Variants in EML4 observed in about 807,000 individuals in gnomAD.
EML4 encodes echinoderm microtubule-associated protein-like 4.
EML4 carries 72 observed loss-of-function variants against 129.0 expected under a neutral mutation model. That is an observed-to-expected ratio of 0.56 (90% CI 0.46 to 0.68). The LOEUF (loss-of-function observed/expected upper bound fraction) is 0.68. Among genes scored for constraint, EML4 ranks in the 30% least tolerant of loss-of-function variants. EML4 has a pLI of 0.00. For synonymous variants in EML4, 532 were observed against 405.0 expected, an observed-to-expected ratio of 1.31 and a Z score of -3.77; for missense variants, 1,363 against 1,190.6, an observed-to-expected ratio of 1.14 and a Z score of -2.13.
chr2:42,179,777 T>C (rs1279472438), intron 1 of EML4, among the ~76,000 whole-genome samples: 1 of 152,116 alleles, frequency 6.6e-6, no homozygotes, highest in African/African-American at 2.4e-5. Context: ...TAGTTTTGTA[T>C]TTTTAGTAGA....
At chr2:42,294,068 A>G (rs1667810248) in intron 11 of EML4, among the ~76,000 whole-genome samples, 2 of 152,260 alleles carry the variant, frequency 1.3e-5, no homozygotes, top group Admixed American at 6.5e-5. Flanking sequence ...GTTTGAGTAG[A>G]TGATTTTACT....
rs1028417023 is a variant in EML4, at chr2:42,265,064, G to A, written c.667+333G>A. The A allele has an allele frequency of 1.4e-5, 14 of 1,025,338 alleles. No homozygotes were observed. In the African/African-American group the frequency reaches 2.3e-4, roughly 17 times the overall value. 63.5% of individuals were successfully genotyped at this position (1,025,338 alleles called of 1,614,324 possible). A position where few individuals can be genotyped will look rare whatever the true frequency, so the allele number is the denominator to read the frequency against. On this transcript the variant is annotated intron_variant, in intron 6 of 22. Coordinates refer to ENST00000318522, the MANE Select transcript of EML4 (RefSeq NM_019063.5). The stretch of plus-strand genomic sequence containing the variant: ...CTTTCTTCCTTAAAAAGGAAATACA[G>A]TGATTTGAGCTAGATGAATCCAGCT...
In EML4 at chr2:42,169,506, G is replaced by C. The variant is rs1670122161; in HGVS notation, c.-106G>C. On this transcript the variant is annotated 5_prime_UTR_variant, in exon 1 of 23. Transcript: ENST00000318522. ...AGGCGGGAGCCGGTAGCCGAGCCGGGCGACCTAGAGAACGAGCGGGTCAGG... is the reference window on the plus strand; with the variant it reads ...AGGCGGGAGCCGGTAGCCGAGCCGGCCGACCTAGAGAACGAGCGGGTCAGG... 5 of 1,353,074 alleles carry C rather than the reference G, an allele frequency of 3.7e-6. No homozygotes were observed. Among genetic ancestry groups the C allele is most frequent in the Non-Finnish European group, 4.9e-6 (5 of 1,011,142 alleles). The allele number at this position is 1,353,074 out of a possible 1,614,324, so 83.8% of individuals were successfully genotyped here. A position where few individuals can be genotyped will look rare whatever the true frequency, so the allele number is the denominator to read the frequency against.
intron 7 of EML4, 89 bp downstream of exon 7, chr2:42,281,062 T>TA: frequency 1.4e-5 from 15 of 1,100,800 alleles, no homozygotes; most frequent in South Asian, 1.1e-4. Flanking sequence ...ATTGTCTTTA[T>TA]ACAAAAAAAA....
intron 1 of EML4, among the ~76,000 whole-genome samples, chr2:42,195,894 C>G (rs1285689414): frequency 1.3e-5 from 2 of 152,118 alleles, no homozygotes; most frequent in Non-Finnish European, 2.9e-5. Context: ...TAACTGAATT[C>G]CCTGTGGAAC....
chr2:42,244,133 T>C (rs1402235280), intron 1 of EML4, among the ~76,000 whole-genome samples: 1 of 148,750 alleles, frequency 6.7e-6, no homozygotes, highest in African/African-American at 2.5e-5. Flanking sequence ...GGGGTCTTGC[T>C]CTGTTGCCAG....
intron 11 of EML4, among the ~76,000 whole-genome samples, chr2:42,294,221 C>T (rs1378921147): frequency 6.6e-6 from 1 of 152,104 alleles, no homozygotes; most frequent in East Asian, 1.9e-4. Flanking sequence ...CTTCCTAGTC[C>T]ACCATAAATC....
chr2:42,259,670 A>C (rs1665585285), intron 3 of EML4, among the ~76,000 whole-genome samples: 1 of 151,514 alleles, frequency 6.6e-6, no homozygotes, highest in Non-Finnish European at 1.5e-5. Flanking sequence ...AAACTCTGGC[A>C]GAAGAGTATG....
intron 8 of EML4, 96 bp from the exon 9 acceptor site, chr2:42,284,538 C>T (rs911831056): frequency 7.2e-6 from 5 of 689,708 alleles, no homozygotes; most frequent in South Asian, 5.3e-5. Context: ...TGTTTTTTAA[C>T]GATTAAAAAC....
At chr2:42,293,919 T>G (rs1270691796) in intron 11 of EML4, among the ~76,000 whole-genome samples, 1 of 152,184 alleles carries the variant, frequency 6.6e-6, no homozygotes, top group African/African-American at 2.4e-5. Flanking sequence ...CATGTTGTTT[T>G]GCCAAAAGGA....
chr2:42,169,569 T>G lies in EML4; in HGVS notation c.-43T>G. 6.3e-7 allele frequency: 1 copy of G among 1,589,872 alleles called. No individual in the cohort carries two copies. Among genetic ancestry groups the G allele is most frequent in the South Asian group, 1.1e-5 (1 of 89,782 alleles). On this transcript the variant is annotated 5_prime_UTR_variant, in exon 1 of 23. Transcript: ENST00000318522. Reference sequence around the variant, plus strand: ...CACTCTGTCGGTCCGCTGAATGAAGTGCCCGCCCCTCTAAGCCCGGAGCCC... The same window carrying G: ...CACTCTGTCGGTCCGCTGAATGAAGGGCCCGCCCCTCTAAGCCCGGAGCCC...
At chr2:42,228,712 G>A (rs1674134228) in intron 1 of EML4, among the ~76,000 whole-genome samples, 1 of 152,098 alleles carries the variant, frequency 6.6e-6, no homozygotes, top group Non-Finnish European at 1.5e-5. Context: ...CTTTCTGTGA[G>A]TTCTACAATT....
In EML4 at chr2:42,233,309, CTTT is replaced by C. The variant is rs1045073425; in HGVS notation, c.26-12182_26-12180del. Reference sequence around the variant, plus strand: ...ATTGTTTGTTATTACAGGTTTCTTTCTTTTTTTTTTTTTTTTAATGGAGTCTCA... The same window carrying C: ...ATTGTTTGTTATTACAGGTTTCTTTCTTTTTTTTTTTTTAATGGAGTCTCA... On this transcript the variant is annotated intron_variant, in intron 1 of 22. Transcript: ENST00000318522. 8.8e-5 allele frequency among the ~76,000 whole-genome samples: 12 copies of C among 137,126 alleles called. No individual in the cohort carries two copies. The East Asian group carries it at 1.2e-3, about 14-fold the overall frequency. The allele number at this position is 137,126 out of a possible 152,430, so 90.0% of individuals were successfully genotyped here.
At chr2:42,233,085 C>G (rs1473943399) in intron 1 of EML4, among the ~76,000 whole-genome samples, 1 of 152,082 alleles carries the variant, frequency 6.6e-6, no homozygotes, top group Non-Finnish European at 1.5e-5. Flanking sequence ...CTTTTATCAG[C>G]TTTTGCTGTT....
intron 1 of EML4, among the ~76,000 whole-genome samples, chr2:42,205,470 G>T (rs1280173749): frequency 1.3e-5 from 2 of 150,110 alleles, no homozygotes; most frequent in Non-Finnish European, 3.0e-5. Flanking sequence ...GGTGTAGATG[G>T]TGTTGAATTA....
intron 17 of EML4, among the ~76,000 whole-genome samples, chr2:42,310,228 A>G (rs1668856517): frequency 6.6e-6 from 1 of 152,114 alleles, no homozygotes; most frequent in Admixed American, 6.6e-5. Context: ...CATAGTTGTA[A>G]TCATTATGGG....
chr2:42,174,164 CATA>C (rs1207601117), intron 1 of EML4, among the ~76,000 whole-genome samples: 2 of 151,908 alleles, frequency 1.3e-5, no homozygotes, highest in Non-Finnish European at 2.9e-5. Context: ...CTTCAATATT[CATA>C]AGAAATTTTA....
At chr2:42,169,700 C>G in intron 1 of EML4, 64 bp downstream of exon 1, 1 of 1,557,074 alleles carries the variant, frequency 6.4e-7, no homozygotes, top group Non-Finnish European at 8.7e-7. Context: ...CTTCCGCACA[C>G]AGCCCAGGCC....
In EML4 at chr2:42,169,499, G is replaced by T. The variant is rs1338626252; in HGVS notation, c.-113G>T. 7.7e-7 allele frequency: 1 copy of T among 1,295,520 alleles called. No individual in the cohort carries two copies. Among genetic ancestry groups the T allele is most frequent in the South Asian group, 1.4e-5 (1 of 71,102 alleles). The allele number at this position is 1,295,520 out of a possible 1,614,324, so 80.3% of individuals were successfully genotyped here. A position where few individuals can be genotyped will look rare whatever the true frequency, so the allele number is the denominator to read the frequency against. On this transcript the variant is annotated 5_prime_UTR_variant, in exon 1 of 23. Coordinates refer to ENST00000318522, the MANE Select transcript of EML4 (RefSeq NM_019063.5). ...ACGACGGAGGCGGGAGCCGGTAGCCGAGCCGGGCGACCTAGAGAACGAGCG... is the reference window on the plus strand; with the variant it reads ...ACGACGGAGGCGGGAGCCGGTAGCCTAGCCGGGCGACCTAGAGAACGAGCG...
Sources: gnomAD v4.1 joint callset for allele counts (sites outside exome capture counted in the v4.1 genomes callset) on GRCh38, gnomAD v4.1.1 for gene constraint, MANE v1.5 for transcripts, NCBI Gene and HGNC (gene_info 2026-07-23, HGNC 2026-07-21) for gene names.